The following SYT1 variants were observed in gnomAD, a reference collection of about 807,000 sequenced individuals.
SYT1 encodes synaptotagmin-1.
Under a neutral mutation model 44.8 loss-of-function variants are expected in SYT1, and 8 were observed. The observed-to-expected ratio is 0.18, with a 90% CI of 0.10 to 0.32. The LOEUF is 0.32. SYT1 is among the 10% of genes least tolerant of loss of function. SYT1 has a pLI of 1.00. For missense variants in SYT1, 286 were observed against 509.3 expected (o/e 0.56, Z 4.22); for synonymous variants, 154 against 188.8 (o/e 0.82, Z 1.51).
At chr12:79,242,220 G>A (rs756540202) in intron 4 of SYT1, among the ~76,000 whole-genome samples, 1 of 152,168 alleles carries the variant, frequency 6.6e-6, no homozygotes. Flanking sequence ...CCTTGTGAAC[G>A]AATGCTGCAA....
intron 3 of SYT1, among the ~76,000 whole-genome samples, chr12:79,188,247 G>C (rs1229629136): frequency 1.3e-5 from 2 of 151,992 alleles, no homozygotes; most frequent in African/African-American, 4.8e-5. Flanking sequence ...TTAGAATAGA[G>C]ACATTCTACA....
chr12:79,389,588 T>G (rs1050842540), intron 9 of SYT1, among the ~76,000 whole-genome samples: 2 of 152,164 alleles, frequency 1.3e-5, no homozygotes, highest in Non-Finnish European at 2.9e-5. Flanking sequence ...TGTCCATAAT[T>G]GTAAGTGGAG....
chr12:79,034,620 CAT>C (rs1873011646), intron 2 of SYT1, among the ~76,000 whole-genome samples: 1 of 151,660 alleles, frequency 6.6e-6, no homozygotes, highest in Non-Finnish European at 1.5e-5. Context: ...ATGTGATAAA[CAT>C]ATGCAATCTG....
At chr12:79,321,426 A>G (rs981065742) in intron 8 of SYT1, among the ~76,000 whole-genome samples, 1 of 152,228 alleles carries the variant, frequency 6.6e-6, no homozygotes, top group Non-Finnish European at 1.5e-5. Flanking sequence ...TCCTTTTTTA[A>G]CAAATGGATT....
At position 79,447,283 on chromosome 12, in the gene SYT1, A is replaced by G. The variant is rs78337103; in HGVS notation, c.1063-1635A>G. On this transcript the variant is annotated intron_variant, in intron 10 of 10. Transcript: ENST00000261205. ...TTTTTCTAGAAAAAAATAATTGAGT[A>G]TTTCACATGCTAAAATAGGGTCTTA... Among the ~76,000 whole-genome samples, 694 of 151,976 alleles carry G rather than the reference A, an allele frequency of 4.6e-3. 2 individuals are homozygous for G. The highest frequency in any genetic ancestry group is 0.014 in the Middle Eastern group (4 of 294).
chr12:79,332,701 T>A (rs937590503), intron 8 of SYT1, among the ~76,000 whole-genome samples: 5 of 152,218 alleles, frequency 3.3e-5, no homozygotes, highest in Non-Finnish European at 7.3e-5. Flanking sequence ...GAATTGGTTC[T>A]TTTTAACCTG....
intron 1 of SYT1, among the ~76,000 whole-genome samples, chr12:78,919,887 A>G (rs1489408127): frequency 6.6e-6 from 1 of 152,072 alleles, no homozygotes; most frequent in African/African-American, 2.4e-5. Flanking sequence ...GAACATTTCC[A>G]TAATTTGTAT....
At chr12:79,255,993 T>C (rs1877491775) in intron 4 of SYT1, among the ~76,000 whole-genome samples, 1 of 152,226 alleles carries the variant, frequency 6.6e-6, no homozygotes, top group Admixed American at 6.5e-5. Context: ...ATTATCCCAA[T>C]TTTAAACAGT....
Position 79,309,377 on chromosome 12 carries a change from C to G in SYT1, c.810+9826C>G, listed in dbSNP as rs1456001764. On this transcript the variant is annotated intron_variant, in intron 8 of 10. Coordinates refer to ENST00000261205, the MANE Select transcript of SYT1 (RefSeq NM_005639.3). ...CCCATGTTCTATTTTGAAATAACCA[C>G]TTTATGTTTCTTTTTTTTTTTTTAT... Among the ~76,000 whole-genome samples, 7 of 151,608 alleles carry G rather than the reference C, an allele frequency of 4.6e-5. No homozygotes were observed. In the East Asian group the frequency reaches 1.4e-3, roughly 29 times the overall value.
rs1278231394 is a variant in SYT1 at position 79,178,969 on chromosome 12, TATATAG to T, written c.-17-38522_-17-38517del. ...ATATAGATATAGATATAGATATAGA[TATATAG>T]ATATAGATATATCTATATAGATATA... is the stretch of plus-strand genomic sequence containing the variant. On this transcript the variant is annotated intron_variant, in intron 3 of 10. Coordinates refer to ENST00000261205, the MANE Select transcript of SYT1 (RefSeq NM_005639.3). 1.1e-4 allele frequency among the ~76,000 whole-genome samples: 5 copies of T among 46,852 alleles called. 2 individuals carry two copies. The highest frequency in any genetic ancestry group is 5.0e-4 in the African/African-American group (5 of 10,080). The allele number at this position is 46,852 out of a possible 152,430, so 30.7% of individuals were successfully genotyped here.
intron 3 of SYT1, among the ~76,000 whole-genome samples, chr12:79,092,107 A>G (rs73148267): frequency 1.3e-5 from 2 of 152,042 alleles, no homozygotes; most frequent in Non-Finnish European, 2.9e-5. Context: ...GTTCCCAAAA[A>G]TATATTCAGG....
At chr12:79,261,761 G>T (rs1462872270) in intron 4 of SYT1, among the ~76,000 whole-genome samples, 2 of 152,078 alleles carry the variant, frequency 1.3e-5, no homozygotes, top group Non-Finnish European at 2.9e-5. Flanking sequence ...TATTATTGCG[G>T]TATTATTATT....
chr12:79,155,547 A>G (rs1474636310), intron 3 of SYT1, among the ~76,000 whole-genome samples: 3 of 152,226 alleles, frequency 2.0e-5, no homozygotes, highest in Non-Finnish European at 4.4e-5. Flanking sequence ...AACTGTAAAG[A>G]TTTTGTTTAA....
chr12:78,867,463 C>T (rs977707198), intron 1 of SYT1, among the ~76,000 whole-genome samples: 2 of 151,910 alleles, frequency 1.3e-5, no homozygotes, highest in East Asian at 3.9e-4. Flanking sequence ...TGGGGAGAGA[C>T]CTTACATGAT....
intron 3 of SYT1, among the ~76,000 whole-genome samples, chr12:79,068,950 T>C (rs899638771): frequency 6.6e-6 from 1 of 152,200 alleles, no homozygotes; most frequent in African/African-American, 2.4e-5. Flanking sequence ...TAAATAATGA[T>C]ACCAGAGATC....
intron 9 of SYT1, among the ~76,000 whole-genome samples, chr12:79,410,623 C>T (rs1868381742): frequency 6.6e-6 from 1 of 151,868 alleles, no homozygotes; most frequent in South Asian, 2.1e-4. Context: ...GCTCCTTTTC[C>T]CTAAATGTAT....
chr12:79,062,350 C>G (rs575327524), intron 3 of SYT1, among the ~76,000 whole-genome samples: 1 of 152,280 alleles, frequency 6.6e-6, no homozygotes, highest in Admixed American at 6.5e-5. Flanking sequence ...CCTTCATTGA[C>G]TTTTCAATGT....
chr12:78,981,091 TTG>T (rs1869217248), intron 2 of SYT1, among the ~76,000 whole-genome samples: 1 of 151,904 alleles, frequency 6.6e-6, no homozygotes, highest in East Asian at 1.9e-4. Context: ...TTGTTTGTTT[TTG>T]TGTTTTTTGT....
At chr12:79,258,998 A>T (rs1877687513) in intron 4 of SYT1, among the ~76,000 whole-genome samples, 1 of 152,226 alleles carries the variant, frequency 6.6e-6, no homozygotes, top group South Asian at 2.1e-4. Context: ...CTAAGATGGC[A>T]GAATTATGAG....
Sources: allele counts gnomAD v4.1 joint callset (sites outside exome capture counted in the v4.1 genomes callset), GRCh38; gene constraint gnomAD v4.1.1; transcripts MANE v1.5; gene names NCBI Gene and HGNC (gene_info 2026-07-23, HGNC 2026-07-21).